Variants in XIST observed in about 807,000 individuals in gnomAD.
The protein encoded by XIST is X inactive specific transcript (non-protein coding).
At chrX:73,837,426 G>C in intron 2 of XIST, 1 of 486,928 alleles carries the variant, frequency 2.1e-6, no homozygotes, top group Middle Eastern at 3.3e-4. Flanking sequence ...AAGAGTCTGA[G>C]AAACTGTCAT....
intron 1 of XIST, among the ~76,000 whole-genome samples, chrX:73,839,830 T>C (rs1307959419): frequency 7.3e-5 from 8 of 110,012 alleles, no homozygotes; most frequent in Non-Finnish European, 1.5e-4. Flanking sequence ...TCAATCCACC[T>C]AAAATCAAGC....
chrX:73,837,762 GAC>G (rs1922511472), intron 1 of XIST, among the ~76,000 whole-genome samples: 1 of 111,073 alleles, frequency 9.0e-6, no homozygotes, highest in Non-Finnish European at 1.9e-5. Flanking sequence ...AGACTTATAA[GAC>G]ACAGTTTTTA....
At chrX:73,849,468 T>C (rs749335342) in exon 1 of XIST, 25 of 556,984 alleles carry the variant, frequency 4.5e-5, no homozygotes, top group Non-Finnish European at 8.1e-5. Context: ...TACTCAAAAT[T>C]GGGACTGTGA....
At chrX:73,841,949 T>A in exon 1 of XIST, 1 of 536,371 alleles carries the variant, frequency 1.9e-6, no homozygotes, top group Non-Finnish European at 3.4e-6. Context: ...TAAAAGTGAA[T>A]GCTGGTAAAG....
chrX:73,847,857 C>A lies in XIST; in HGVS notation n.4867G>T, dbSNP rs754270682. 1.1e-5 allele frequency: 6 copies of A among 558,891 alleles called. No homozygotes were observed. The East Asian group carries it at 1.6e-4, about 15-fold the overall frequency. The allele number at this position is 558,891 out of a possible 1,213,427, so 46.1% of individuals were successfully genotyped here. ...AGACCATGAACATTGGAATTTTGCA[C>A]ATTCATAGTCCCAGGGAAAGGTAAC... On this transcript the variant is annotated non_coding_transcript_exon_variant, in exon 1 of 6. Coordinates refer to ENST00000429829, the Ensembl canonical transcript of XIST.
chrX:73,835,489 A>C (rs60156201), intron 2 of XIST, among the ~76,000 whole-genome samples: 4,125 of 112,054 alleles, frequency 0.037, 77 homozygotes, highest in Middle Eastern at 0.056. Flanking sequence ...AGAAACTATA[A>C]TACTATAATA....
At chrX:73,852,373 C>A (rs1186841942) in exon 1 of XIST, 1 of 547,544 alleles carries the variant, frequency 1.8e-6, no homozygotes, top group Non-Finnish European at 3.3e-6. Context: ...GTATCCGCAG[C>A]CCCGATGGGC....
exon 1 of XIST, chrX:73,844,917 G>C (rs757537836): frequency 1.3e-5 from 7 of 544,018 alleles, no homozygotes; most frequent in Non-Finnish European, 2.3e-5. Context: ...CTGCCAGAAG[G>C]GAAAGGAAGA....
At chrX:73,845,280 T>C (rs1165150827) in exon 1 of XIST, 2 of 546,907 alleles carry the variant, frequency 3.7e-6, no homozygotes, top group Non-Finnish European at 6.5e-6. Flanking sequence ...GGAACAAATA[T>C]AATCACACAC....
intron 4 of XIST, among the ~76,000 whole-genome samples, chrX:73,830,714 G>C (rs896677691): frequency 4.5e-5 from 5 of 112,033 alleles, no homozygotes; most frequent in Non-Finnish European, 9.4e-5. Context: ...CTTTAAGAGA[G>C]ACTTTGGGGA....
intron 1 of XIST, among the ~76,000 whole-genome samples, chrX:73,840,660 C>T (rs1222680406): frequency 9.0e-6 from 1 of 111,520 alleles, no homozygotes. Flanking sequence ...TATCCATGGT[C>T]ATCTGTTCTT....
chrX:73,843,085 T>C (rs1369390480), exon 1 of XIST: 4 of 554,911 alleles, frequency 7.2e-6, no homozygotes, highest in Non-Finnish European at 1.3e-5. Flanking sequence ...AAACTAAGGG[T>C]GGGGTGGGGC....
chrX:73,840,124 T>C (rs1162593387), intron 1 of XIST, among the ~76,000 whole-genome samples: 3 of 111,777 alleles, frequency 2.7e-5, no homozygotes. Flanking sequence ...ATATCTTTGT[T>C]AAGTCAGTGT....
exon 6 of XIST, chrX:73,825,232 C>G: frequency 1.8e-6 from 1 of 558,959 alleles, no homozygotes; most frequent in Non-Finnish European, 3.2e-6. Context: ...ACCTGGAATA[C>G]TGCATTTTTA....
chrX:73,852,475 A>G, exon 1 of XIST: 3 of 547,283 alleles, frequency 5.5e-6, no homozygotes, highest in Non-Finnish European at 9.8e-6. Flanking sequence ...AATTCCTTAA[A>G]TATTAAAAAT....
exon 6 of XIST, chrX:73,826,299 G>C (rs760470180): frequency 3.7e-4 from 205 of 557,221 alleles, no homozygotes; most frequent in Admixed American, 8.2e-4. Flanking sequence ...GGCTTCTGGG[G>C]TCAAAAGAAA....
At chrX:73,845,677 G>A (rs747027672) in exon 1 of XIST, 1 of 557,669 alleles carries the variant, frequency 1.8e-6, no homozygotes, top group East Asian at 3.3e-5. Flanking sequence ...GATGGGCCAT[G>A]TGCAGTTACG....
At chrX:73,829,277 A>G in intron 4 of XIST, 1 of 530,028 alleles carries the variant, frequency 1.9e-6, no homozygotes, top group South Asian at 2.5e-5. Flanking sequence ...ATAAATATTG[A>G]GTACTGTGCT....
chrX:73,823,480 C>T, exon 6 of XIST: 2 of 520,488 alleles, frequency 3.8e-6, no homozygotes, highest in Non-Finnish European at 6.9e-6. Flanking sequence ...ATGCCCTCAT[C>T]TCTCTTATCC....
Sources: allele counts gnomAD v4.1 joint callset (sites outside exome capture counted in the v4.1 genomes callset), GRCh38; gene constraint gnomAD v4.1.1; transcripts MANE v1.5; gene names NCBI Gene and HGNC (gene_info 2026-07-23, HGNC 2026-07-21).